The following BTBD17 variants were observed in gnomAD, a reference collection of about 807,000 sequenced individuals.
The protein encoded by BTBD17 is BTB/POZ domain-containing protein 17.
BTBD17 carries 26 observed loss-of-function variants against 36.9 expected under a neutral mutation model. That is an observed-to-expected ratio of 0.70 (90% CI 0.52 to 0.98). The LOEUF is 0.98. Among genes scored for constraint, BTBD17 ranks in the 50% least tolerant of loss-of-function variants. BTBD17 has a pLI of 0.00. For synonymous variants in BTBD17, 341 were observed against 338.0 expected (o/e 1.01, Z -0.10); for missense variants, 630 against 691.3 (o/e 0.91, Z 0.99).
chr17:74,356,663 G>C lies in BTBD17; in HGVS notation c.1431C>G (p.Pro477=). 3.3e-6 allele frequency: 5 copies of C among 1,533,642 alleles called. No homozygotes were observed. The highest frequency in any genetic ancestry group is 4.4e-6 in the Non-Finnish European group (5 of 1,134,010). ...KPVYHTLIRT[P]K ...TTATTCCCAGACCCCGAGGCTACTTGGGGGTCCGGATAAGGGTGTGGTATA... is the reference window on the plus strand; with the variant it reads ...TTATTCCCAGACCCCGAGGCTACTTCGGGGTCCGGATAAGGGTGTGGTATA... The change falls in exon 3 of 3, where the codon CCC becomes CCG. Residue 477 remains proline, a synonymous_variant. Transcript: ENST00000375366. The surrounding 1 kb of genome is among the most constrained non-coding windows in gnomAD (Gnocchi z 4.3).
At chr17:74,361,594 A>T in intron 1 of BTBD17, 141 bp downstream of exon 1, 1 of 636,720 alleles carries the variant, frequency 1.6e-6, no homozygotes, top group Non-Finnish European at 2.7e-6. Flanking sequence ...CTTCAGACAG[A>T]TGAGTCCGTG....
Position 74,357,548 on chromosome 17 carries a change from C to T in BTBD17, c.546G>A (p.Glu182=). Residue 182 remains glutamate, a synonymous_variant, in exon 3 of 3, where the codon GAG becomes GAA. Coordinates refer to ENST00000375366, the MANE Select transcript of BTBD17 (RefSeq NM_001080466.2). This position sits in a 1 kb window ranked among gnomAD's most constrained non-coding sequence, Gnocchi z 8.4. The stretch of plus-strand genomic sequence containing the variant: ...ACTGCAGGCAGCTCTCGCGCAGGGC[C>T]TCGTCCCCGGTGCCCACCGCGTAGT... ...WYHYAVGTGD[E]ALRESCLQFL... 2 of 1,554,822 alleles carry T rather than the reference C, an allele frequency of 1.3e-6. No individual in the cohort carries two copies. The highest frequency in any genetic ancestry group is 1.7e-6 in the Non-Finnish European group (2 of 1,157,324).
intron 2 of BTBD17, 27 bp downstream of exon 2, chr17:74,359,942 C>T: frequency 6.3e-7 from 1 of 1,591,630 alleles, no homozygotes; most frequent in South Asian, 1.1e-5. Context: ...AGGGATGAAG[C>T]CATCCCCTAG....
rs762367584 is a variant in BTBD17, at chr17:74,361,824, A to T, written c.-5T>A. 6.2e-7 allele frequency: 1 copy of T among 1,613,050 alleles called. No individual in the cohort carries two copies. Among genetic ancestry groups the T allele is most frequent in the South Asian group, 1.1e-5 (1 of 90,998 alleles). ...GGAGTAGCCTCTCCTAGGCATCTTT[A>T]TGCTCAGCCCCCAAGTCCACTGGAG... On this transcript the variant is annotated 5_prime_UTR_variant, in exon 1 of 3. Transcript: ENST00000375366.
upstream of BTBD17, chr17:74,361,894 T>C (rs1271385328): frequency 2.4e-6 from 3 of 1,258,410 alleles, no homozygotes; most frequent in Non-Finnish European, 3.4e-6. Flanking sequence ...CTCTTCCTTA[T>C]ATAGGATCCG....
intron 2 of BTBD17, among the ~76,000 whole-genome samples, chr17:74,359,034 C>G (rs2054917153): frequency 6.6e-6 from 1 of 152,162 alleles, no homozygotes; most frequent in African/African-American, 2.4e-5. Flanking sequence ...TGGAATTCTG[C>G]AGGCATCTCG....
chr17:74,358,968 T>G (rs1416880464), intron 2 of BTBD17, among the ~76,000 whole-genome samples: 1 of 152,226 alleles, frequency 6.6e-6, no homozygotes, highest in East Asian at 1.9e-4. Flanking sequence ...AGGAAGACCC[T>G]TTTTGCCCTT....
Position 74,357,572 on chromosome 17 carries a change from G to C in BTBD17, c.522C>G (p.His174Gln). 1.3e-6 allele frequency: 2 copies of C among 1,553,940 alleles called. No individual in the cohort carries two copies. The highest frequency in any genetic ancestry group is 2.3e-5 in the South Asian group (2 of 85,502). ...CCTCGTCCCCGGTGCCCACCGCGTAGTGGTACCAGCCCACCGCCGGGCCCG... is the reference window on the plus strand; with the variant it reads ...CCTCGTCCCCGGTGCCCACCGCGTACTGGTACCAGCCCACCGCCGGGCCCG... The part of the protein sequence containing the change: ...GGAGPAVGWY[H>Q]YAVGTGDEAL... Residue 174 changes from histidine (H) to glutamine (Q), a missense_variant, in exon 3 of 3, where the codon CAC becomes CAG. His to Gln is a conservative substitution (Grantham distance 24). Coordinates refer to ENST00000375366, the MANE Select transcript of BTBD17 (RefSeq NM_001080466.2). The surrounding 1 kb of genome is among the most constrained non-coding windows in gnomAD (Gnocchi z 8.4).
At chr17:74,362,260 G>T (rs1016103602), upstream of BTBD17, among the ~76,000 whole-genome samples, 4 of 152,164 alleles carry the variant, frequency 2.6e-5, no homozygotes, top group Admixed American at 6.5e-5. Flanking sequence ...ACTTGGCAGC[G>T]TCGTGCCTGG....
chr17:74,359,318 C>T (rs1021006575), intron 2 of BTBD17, among the ~76,000 whole-genome samples: 9 of 152,176 alleles, frequency 5.9e-5, no homozygotes, highest in East Asian at 1.9e-4. Flanking sequence ...CTGAAACTGA[C>T]AATCCAGGTT....
At chr17:74,360,287 G>A (rs199727240) in intron 1 of BTBD17, 42 bp from the exon 2 acceptor site, 31 of 1,553,504 alleles carry the variant, frequency 2.0e-5, no homozygotes, top group East Asian at 1.2e-4. Flanking sequence ...GAAGGTGCCC[G>A]GGCCCAGAAC....
chr17:74,360,383 G>A (rs28481306), intron 1 of BTBD17, 138 bp from the exon 2 acceptor site: 72,396 of 854,318 alleles, frequency 0.085, 3,794 homozygotes, highest in African/African-American at 0.2. Flanking sequence ...GGTTGTATGT[G>A]CATACCTGTT....
intron 1 of BTBD17, 72 bp downstream of exon 1, chr17:74,361,663 G>A (rs908201757): frequency 1.2e-4 from 155 of 1,313,578 alleles, no homozygotes; most frequent in South Asian, 9.6e-4. Context: ...CCTCCTGGCC[G>A]GCCGCGTGCA....
In BTBD17 at chr17:74,361,864, A is replaced by T; in HGVS notation, c.-45T>A. ...GTCCACTGGAGGGACGGTGAAGCCC[A>T]GACCACTCTGCTCACATCCCTCTTC... On this transcript the variant is annotated 5_prime_UTR_variant, in exon 1 of 3. Coordinates refer to ENST00000375366, the MANE Select transcript of BTBD17 (RefSeq NM_001080466.2). The T allele has an allele frequency of 6.6e-7, 1 of 1,510,476 alleles. No individual in the cohort carries two copies. The highest frequency in any genetic ancestry group is 1.1e-5 in the South Asian group (1 of 87,990). The allele number at this position is 1,510,476 out of a possible 1,614,324, so 93.6% of individuals were successfully genotyped here. A position where few individuals can be genotyped will look rare whatever the true frequency, so the allele number is the denominator to read the frequency against.
chr17:74,357,474 G>A lies in BTBD17; in HGVS notation c.620C>T (p.Ala207Val), dbSNP rs1404419776. 1 of 1,574,762 alleles carries A rather than the reference G, an allele frequency of 6.4e-7. No individual in the cohort carries two copies. Among genetic ancestry groups the A allele is most frequent in the Non-Finnish European group, 8.6e-7 (1 of 1,169,268 alleles). ...SAVAASTEWG[A>V]VSPELLWQLL... Reference sequence around the variant, plus strand: ...CTGCCAGAGCAGCTCGGGGCTCACGGCGCCCCACTCGGTGCTGGCCGCCAC... The same window carrying A: ...CTGCCAGAGCAGCTCGGGGCTCACGACGCCCCACTCGGTGCTGGCCGCCAC... The change falls in exon 3 of 3, where the codon GCC becomes GTC. Residue 207 changes from alanine to valine, a missense_variant. By Grantham distance (64) the Ala-to-Val change is moderately conservative. Transcript: ENST00000375366. The surrounding 1 kb of genome is among the most constrained non-coding windows in gnomAD (Gnocchi z 8.4).
chr17:74,356,910 A>T lies in BTBD17; in HGVS notation c.1184T>A (p.Val395Glu). 1 of 1,448,258 alleles carries T rather than the reference A, an allele frequency of 6.9e-7. No homozygotes were observed. The highest frequency in any genetic ancestry group is 9.0e-7 in the Non-Finnish European group (1 of 1,110,706). The allele number at this position is 1,448,258 out of a possible 1,614,324, so 89.7% of individuals were successfully genotyped here. A position where few individuals can be genotyped will look rare whatever the true frequency, so the allele number is the denominator to read the frequency against. ...RPEDGRPRLV[V>E]TPASSGGDAA... ...GTCGCCGCCGCTGCTGGCCGGCGTC[A>T]CCACCAGCCGCGGTCGGCCGTCCTC... The change falls in exon 3 of 3, where the codon GTG becomes GAG. Residue 395 changes from valine to glutamate, a missense_variant. Val to Glu is a moderately radical substitution (Grantham distance 121). Coordinates refer to ENST00000375366, the MANE Select transcript of BTBD17 (RefSeq NM_001080466.2). This position sits in a 1 kb window ranked among gnomAD's most constrained non-coding sequence, Gnocchi z 4.3.
Position 74,359,865 on chromosome 17 carries a change from G to T in BTBD17, c.362+104C>A, listed in dbSNP as rs1340182021. On this transcript the variant is annotated intron_variant, in intron 2 of 2. Coordinates refer to ENST00000375366, the MANE Select transcript of BTBD17 (RefSeq NM_001080466.2). The stretch of plus-strand genomic sequence containing the variant: ...TCATCCCAGTGATGTCCGGGGAAAT[G>T]GACATAACAACCTCTAAGGGCCTGG... 3.4e-6 allele frequency: 4 copies of T among 1,170,356 alleles called. No individual in the cohort carries two copies. The African/African-American group carries it at 6.1e-5, about 18-fold the overall frequency. The allele number at this position is 1,170,356 out of a possible 1,614,324, so 72.5% of individuals were successfully genotyped here. A position where few individuals can be genotyped will look rare whatever the true frequency, so the allele number is the denominator to read the frequency against.
chr17:74,356,742 T>A lies in BTBD17; in HGVS notation c.1352A>T (p.Asn451Ile). ...FLAHADLQRR[N>I]SEYLVENALH... is the part of the protein sequence containing the mutation. ...GGCGTTCTCAACCAGGTACTCGGAG[T>A]TGCGCCGCTGCAGGTCGGCGTGCGC... is the stretch of plus-strand genomic sequence containing the variant. Residue 451 changes from asparagine to isoleucine, a missense_variant, in exon 3 of 3, where the codon AAC (asparagine) becomes ATC (isoleucine). Physicochemically the swap from Asn to Ile is moderately radical, Grantham distance 149. Transcript: ENST00000375366. This position sits in a 1 kb window ranked among gnomAD's most constrained non-coding sequence, Gnocchi z 4.3. The A allele has an allele frequency of 1.2e-6, 2 of 1,601,108 alleles. No individual in the cohort carries two copies. The highest frequency in any genetic ancestry group is 1.7e-5 in the Admixed American group (1 of 58,102).
At position 74,357,407 on chromosome 17, in the gene BTBD17, C is replaced by A; in HGVS notation, c.687G>T (p.Glu229Asp). 3 of 1,580,622 alleles carry A rather than the reference C, an allele frequency of 1.9e-6. No individual in the cohort carries two copies. The highest frequency in any genetic ancestry group is 1.1e-5 in the South Asian group (1 of 88,442). ...GCCAGGCCTCCAGCGCGTGGAACAG[C>A]TCCAGTTCATCCTGCAGCACCAGGT... Reference protein sequence around the residue: ...RSDLVLQDELELFHALEAWLG... With the variant: ...RSDLVLQDELDLFHALEAWLG... Residue 229 changes from glutamate to aspartate, a missense_variant, in exon 3 of 3, where the codon GAG becomes GAT. Coordinates refer to ENST00000375366, the MANE Select transcript of BTBD17 (RefSeq NM_001080466.2). This position sits in a 1 kb window ranked among gnomAD's most constrained non-coding sequence, Gnocchi z 8.4.
Sources: gnomAD v4.1 joint callset for allele counts (sites outside exome capture counted in the v4.1 genomes callset) on GRCh38, gnomAD v4.1.1 for gene constraint, Gnocchi (gnomAD v3.1) non-coding constraint, MANE v1.5 for transcripts, NCBI Gene and HGNC (gene_info 2026-07-23, HGNC 2026-07-21) for gene names.